TBC1D14: variants seen among roughly 807,000 people sequenced by gnomAD.
The protein encoded by TBC1D14 is TBC1 domain family, member 14.
In TBC1D14, 26 loss-of-function variants were observed where a neutral mutation model predicts 79.0. That is an observed-to-expected ratio of 0.33 (90% CI 0.24 to 0.46). The LOEUF is 0.46. TBC1D14 is among the 20% of genes least tolerant of loss of function. The probability of loss-of-function intolerance (pLI) is 1.00; values close to 1 mark genes in which losing one functional copy is unlikely to be tolerated. For missense variants in TBC1D14, 769 were observed against 887.6 expected, an observed-to-expected ratio of 0.87 and a Z score of 1.70; for synonymous variants, 394 against 349.9, an observed-to-expected ratio of 1.13 and a Z score of -1.40.
At chr4:7,012,704 T>C (rs1720898067) in intron 11 of TBC1D14, among the ~76,000 whole-genome samples, 1 of 152,230 alleles carries the variant, frequency 6.6e-6, no homozygotes, top group African/African-American at 2.4e-5. Flanking sequence ...AAAGGAAATA[T>C]GCCACAGAAT....
At chr4:6,914,374 A>G (rs974119044) in intron 1 of TBC1D14, among the ~76,000 whole-genome samples, 1 of 152,090 alleles carries the variant, frequency 6.6e-6, no homozygotes, top group East Asian at 1.9e-4. Flanking sequence ...CTTCTAGGAA[A>G]TTTTTTTCAG....
intron 1 of TBC1D14, among the ~76,000 whole-genome samples, chr4:6,916,018 C>T (rs961015615): frequency 3.3e-5 from 5 of 151,108 alleles, no homozygotes; most frequent in Non-Finnish European, 4.4e-5. Flanking sequence ...CCCAGCTACT[C>T]GGGAGGCTAA....
At chr4:6,988,102 G>A (rs1408648205) in intron 3 of TBC1D14, among the ~76,000 whole-genome samples, 3 of 152,186 alleles carry the variant, frequency 2.0e-5, no homozygotes, top group Non-Finnish European at 4.4e-5. Flanking sequence ...TCTAAGACCT[G>A]TGCAGGCCAT....
At chr4:6,999,346 C>T in intron 6 of TBC1D14, 144 bp downstream of exon 6, 1 of 727,208 alleles carries the variant, frequency 1.4e-6, no homozygotes, top group Non-Finnish European at 2.4e-6. Context: ...TCTACCCTGG[C>T]TCAGCCTGCG....
In TBC1D14 at chr4:6,923,502, C is replaced by T. The variant is rs1724024578; in HGVS notation, c.113C>T (p.Pro38Leu). 1 of 1,614,040 alleles carries T rather than the reference C, an allele frequency of 6.2e-7. No homozygotes were observed. The highest frequency in any genetic ancestry group is 1.1e-5 in the South Asian group (1 of 91,096). The change falls in exon 2 of 14, where the codon CCC (proline) becomes CTC (leucine). Residue 38 changes from proline to leucine, a missense_variant. This residue lies in a region of TBC1D14 where 402 missense variants were observed against 393.2 expected (regional missense o/e 1.02). Transcript: ENST00000409757. ...CTGCAACACGTCAATCTCAAGGCGC[C>T]CCGACTCCTCTCCGCGCCTGAGTAC... ...QNLQHVNLKAPRLLSAPEYGP... is the reference protein window; with the variant it reads ...QNLQHVNLKALRLLSAPEYGP...
chr4:6,919,437 T>C (rs1723661069), intron 1 of TBC1D14, among the ~76,000 whole-genome samples: 1 of 152,066 alleles, frequency 6.6e-6, no homozygotes, highest in Non-Finnish European at 1.5e-5. Flanking sequence ...TGAGCCACCA[T>C]GCTGGCCTAT....
At chr4:7,003,564 A>G (rs1239961869) in intron 7 of TBC1D14, among the ~76,000 whole-genome samples, 7 of 152,252 alleles carry the variant, frequency 4.6e-5, no homozygotes. Flanking sequence ...CAGAAGGCAG[A>G]TGTGCTCTGC....
chr4:7,011,931 G>A (rs1052378777), intron 11 of TBC1D14, among the ~76,000 whole-genome samples: 4 of 151,990 alleles, frequency 2.6e-5, no homozygotes, highest in African/African-American at 9.7e-5. Flanking sequence ...AGATCATCTA[G>A]GGAGTATTTC....
rs1488463691 is a variant in TBC1D14 at position 7,006,768 on chromosome 4, A to G, written c.1446+42A>G. The stretch of plus-strand genomic sequence containing the variant: ...TGTTGCTTTCAAGTATGTTTTGTCT[A>G]AAATTCATAGATGCTGAACTGTGTA... On this transcript the variant is annotated intron_variant, in intron 9 of 13. Transcript: ENST00000409757. 13 of 1,576,528 alleles carry G rather than the reference A, an allele frequency of 8.2e-6. No homozygotes were observed. The East Asian group carries it at 2.2e-4, about 27-fold the overall frequency.
chr4:6,990,834 C>T (rs972080637), intron 3 of TBC1D14, among the ~76,000 whole-genome samples: 1 of 152,248 alleles, frequency 6.6e-6, no homozygotes, highest in African/African-American at 2.4e-5. Flanking sequence ...TCTGGTTTTA[C>T]TTCCAGAGCC....
At chr4:6,972,023 A>G (rs1402627734) in intron 3 of TBC1D14, among the ~76,000 whole-genome samples, 6 of 152,182 alleles carry the variant, frequency 3.9e-5, no homozygotes, top group Non-Finnish European at 8.8e-5. Context: ...CTGGCTTTGT[A>G]TGAGCTGGAC....
chr4:6,991,026 G>T (rs1227495841), intron 3 of TBC1D14, among the ~76,000 whole-genome samples: 1 of 152,210 alleles, frequency 6.6e-6, no homozygotes, highest in Non-Finnish European at 1.5e-5. Flanking sequence ...TGGGAGAACC[G>T]GGTCTAGAGC....
At chr4:6,941,149 T>C (rs1712864696) in intron 2 of TBC1D14, among the ~76,000 whole-genome samples, 1 of 149,864 alleles carries the variant, frequency 6.7e-6, no homozygotes, top group East Asian at 2.0e-4. Flanking sequence ...GTTGGTGGGC[T>C]GGGAAACTTG....
chr4:6,947,886 A>G (rs538741500), intron 2 of TBC1D14, among the ~76,000 whole-genome samples: 4 of 152,306 alleles, frequency 2.6e-5, no homozygotes, highest in South Asian at 4.1e-4. Context: ...ATGCAGTTCT[A>G]TCTGGCAGGT....
chr4:6,969,031 C>T (rs1255035957), intron 3 of TBC1D14, among the ~76,000 whole-genome samples: 1 of 152,192 alleles, frequency 6.6e-6, no homozygotes, highest in African/African-American at 2.4e-5. Context: ...TGGGTTTCCA[C>T]ATGCCACATT....
intron 2 of TBC1D14, among the ~76,000 whole-genome samples, chr4:6,953,933 C>G (rs1275868009): frequency 4.6e-5 from 7 of 151,602 alleles, no homozygotes. Flanking sequence ...GTAGCCTGGA[C>G]GTGCTGTGTG....
At chr4:7,007,458 G>A (rs1720317438) in intron 9 of TBC1D14, 1 of 1,027,678 alleles carries the variant, frequency 9.7e-7, no homozygotes, top group Admixed American at 2.6e-5. Context: ...GGTTTTTGCG[G>A]GGGCAGTTGT....
chr4:6,968,688 C>CTGGGAGGAGGCTGACT (rs55781424), intron 3 of TBC1D14, among the ~76,000 whole-genome samples: 65,404 of 144,242 alleles, frequency 0.45, 14,896 homozygotes, highest in South Asian at 0.63. Flanking sequence ...GGAGGCTGAC[C>CTGGGAGGAGGCTGACT]GCCGAGAGGA....
chr4:6,991,495 T>TC (rs1240666263), intron 3 of TBC1D14, among the ~76,000 whole-genome samples: 1 of 152,048 alleles, frequency 6.6e-6, no homozygotes, highest in African/African-American at 2.4e-5. Flanking sequence ...TTGCTTTTTC[T>TC]CCCCCTCAGA....
Sources: gnomAD v4.1 joint callset for allele counts (sites outside exome capture counted in the v4.1 genomes callset) on GRCh38, gnomAD v4.1.1 for gene constraint, gnomAD v4.1.1 regional missense constraint, MANE v1.5 for transcripts, NCBI Gene and HGNC (gene_info 2026-07-23, HGNC 2026-07-21) for gene names.